CAMK4: variants seen among roughly 807,000 people sequenced by gnomAD.
CAMK4 encodes the protein calcium/calmodulin dependent protein kinase IV, also known as calcium/calmodulin-dependent protein kinase type IV.
Under a neutral mutation model 44.9 loss-of-function variants are expected in CAMK4, and 22 were observed. The observed-to-expected ratio is 0.49, with a 90% CI of 0.35 to 0.70. The LOEUF (loss-of-function observed/expected upper bound fraction) is 0.70, where lower values mean the gene tolerates loss of function less well. Among genes scored for constraint, CAMK4 ranks in the 30% least tolerant of loss-of-function variants. The probability of loss-of-function intolerance (pLI) is 0.01; values close to 1 mark genes in which losing one functional copy is unlikely to be tolerated. For synonymous variants in CAMK4, 218 were observed against 215.4 expected, an observed-to-expected ratio of 1.01 and a Z score of -0.11; for missense variants, 498 against 586.8, an observed-to-expected ratio of 0.85 and a Z score of 1.56.
At chr5:111,242,255 A>G (rs1020935468) in intron 1 of CAMK4, among the ~76,000 whole-genome samples, 8 of 152,110 alleles carry the variant, frequency 5.3e-5, no homozygotes, top group Admixed American at 4.6e-4. Context: ...TACATGTATA[A>G]CCCTGGGCAA....
intron 8 of CAMK4, among the ~76,000 whole-genome samples, chr5:111,478,067 A>G (rs761168388): frequency 6.6e-5 from 10 of 151,508 alleles, no homozygotes; most frequent in Admixed American, 1.3e-4. Context: ...AATGTTAGCT[A>G]TTATTATTAT....
chr5:111,236,716 C>G (rs768152056), intron 1 of CAMK4, among the ~76,000 whole-genome samples: 4 of 152,190 alleles, frequency 2.6e-5, no homozygotes, highest in Non-Finnish European at 5.9e-5. Flanking sequence ...CCCACTCACA[C>G]CATTTCATAA....
In CAMK4 at chr5:111,224,421, C is replaced by T. The variant is rs1185369071; in HGVS notation, c.-63C>T. 6.7e-7 allele frequency: 1 copy of T among 1,502,538 alleles called. No individual in the cohort carries two copies. Among genetic ancestry groups the T allele is most frequent in the Non-Finnish European group, 8.9e-7 (1 of 1,129,892 alleles). 93.1% of individuals were successfully genotyped at this position (1,502,538 alleles called of 1,614,324 possible). ...TGCGTTCGCAGGCGGCGGCTGGCGG[C>T]CGGCTTCTCGCTCGGGCAGCGGCGG... is the stretch of plus-strand genomic sequence containing the variant. On this transcript the variant is annotated 5_prime_UTR_variant, in exon 1 of 11. Transcript: ENST00000282356. The surrounding 1 kb of genome is among the most constrained non-coding windows in gnomAD (Gnocchi z 5.7).
At chr5:111,460,692 A>C in intron 7 of CAMK4, among the ~76,000 whole-genome samples, 1 of 152,168 alleles carries the variant, frequency 6.6e-6, no homozygotes, top group East Asian at 1.9e-4. Flanking sequence ...TAGCTTTTCA[A>C]CAGTTAATAC....
chr5:111,399,461 G>A (rs533653698), intron 5 of CAMK4, among the ~76,000 whole-genome samples: 3 of 152,082 alleles, frequency 2.0e-5, no homozygotes, highest in South Asian at 2.1e-4. Flanking sequence ...ACAGTATTTT[G>A]TCTGTTTTGT....
rs1755632486 is a variant in CAMK4 at position 111,486,533 on chromosome 5, A to AC, written c.*2068dup. 3.5e-5 allele frequency: 5 copies of AC among 143,192 alleles called. No individual in the cohort carries two copies. Among genetic ancestry groups the AC allele is most frequent in the Non-Finnish European group, 7.5e-5 (5 of 66,840 alleles). 8.9% of individuals were successfully genotyped at this position (143,192 alleles called of 1,614,324 possible). On this transcript the variant is annotated 3_prime_UTR_variant, in exon 11 of 11. Coordinates refer to ENST00000282356, the MANE Select transcript of CAMK4 (RefSeq NM_001744.6). ...CACACACACACACACACACACACAC[A>AC]CACACACACGTGTTGGAAGAGCAAA...
intron 2 of CAMK4, among the ~76,000 whole-genome samples, chr5:111,362,587 A>G (rs1750636535): frequency 6.6e-6 from 1 of 152,024 alleles, no homozygotes; most frequent in African/African-American, 2.4e-5. Flanking sequence ...TATTTTCTAT[A>G]TTTTTAAATG....
chr5:111,346,992 T>G (rs925154556), intron 2 of CAMK4, among the ~76,000 whole-genome samples: 3 of 151,988 alleles, frequency 2.0e-5, no homozygotes, highest in African/African-American at 7.2e-5. Flanking sequence ...AGGGTACATT[T>G]CAGGAAAGCA....
intron 1 of CAMK4, among the ~76,000 whole-genome samples, chr5:111,274,853 T>C (rs182657072): frequency 6.6e-6 from 1 of 152,198 alleles, no homozygotes; most frequent in East Asian, 1.9e-4. Flanking sequence ...TTAAAATGTG[T>C]CCATTTCATT....
At chr5:111,336,966 T>A (rs1040266426) in intron 1 of CAMK4, among the ~76,000 whole-genome samples, 15 of 151,212 alleles carry the variant, frequency 9.9e-5, no homozygotes, top group Non-Finnish European at 1.3e-4. Flanking sequence ...TGTATTTTCA[T>A]TGAACTATAA....
chr5:111,453,715 C>T (rs977170957), intron 7 of CAMK4, among the ~76,000 whole-genome samples: 13 of 152,084 alleles, frequency 8.5e-5, no homozygotes, highest in South Asian at 2.1e-4. Flanking sequence ...CCCAGGGCCA[C>T]GCAGGAAAGA....
chr5:111,238,092 C>T (rs1260754102), intron 1 of CAMK4, among the ~76,000 whole-genome samples: 1 of 152,146 alleles, frequency 6.6e-6, no homozygotes, highest in Non-Finnish European at 1.5e-5. Context: ...GAGGCAGACA[C>T]AGGGCTGAGG....
At chr5:111,236,664 C>A (rs1260113498) in intron 1 of CAMK4, among the ~76,000 whole-genome samples, 1 of 152,214 alleles carries the variant, frequency 6.6e-6, no homozygotes, top group African/African-American at 2.4e-5. Context: ...TGAATCCCTC[C>A]AGGACAGTCA....
At chr5:111,443,992 G>T (rs2112967290) in intron 5 of CAMK4, among the ~76,000 whole-genome samples, 1 of 152,216 alleles carries the variant, frequency 6.6e-6, no homozygotes, top group South Asian at 2.1e-4. Flanking sequence ...ATCATTCGTG[G>T]TCGAGCATGC....
chr5:111,292,346 AAAT>A (rs1380270921), intron 1 of CAMK4, among the ~76,000 whole-genome samples: 1 of 152,184 alleles, frequency 6.6e-6, no homozygotes, highest in Non-Finnish European at 1.5e-5. Context: ...TTGTTAAATA[AAAT>A]AATGTTATAT....
At chr5:111,320,507 TGTTC>T (rs1003966247) in intron 1 of CAMK4, among the ~76,000 whole-genome samples, 6 of 131,756 alleles carry the variant, frequency 4.6e-5, no homozygotes, top group Non-Finnish European at 1.0e-4. Flanking sequence ...GTTGTTTGTT[TGTTC>T]GTTTGTTTGC....
chr5:111,317,044 A>G (rs1748455208), intron 1 of CAMK4, among the ~76,000 whole-genome samples: 1 of 152,142 alleles, frequency 6.6e-6, no homozygotes, highest in African/African-American at 2.4e-5. Context: ...AACAGAATGC[A>G]CGAAAACTAC....
intron 1 of CAMK4, among the ~76,000 whole-genome samples, chr5:111,308,159 G>A (rs1317419281): frequency 1.6e-4 from 21 of 134,298 alleles, no homozygotes; most frequent in East Asian, 4.4e-4. Flanking sequence ...TAGATGACAC[G>A]TTAGTGGGTG....
chr5:111,325,929 A>G (rs1328841986), intron 1 of CAMK4, among the ~76,000 whole-genome samples: 2 of 152,114 alleles, frequency 1.3e-5, no homozygotes, highest in Admixed American at 1.3e-4. Context: ...TAATGCAAAT[A>G]CAACATATCA....
Sources: allele counts gnomAD v4.1 joint callset (sites outside exome capture counted in the v4.1 genomes callset), GRCh38; gene constraint gnomAD v4.1.1; non-coding constraint Gnocchi (gnomAD v3.1); transcripts MANE v1.5; gene names NCBI Gene and HGNC (gene_info 2026-07-23, HGNC 2026-07-21).